Variants in GRID2 observed in about 807,000 individuals in gnomAD.
The protein encoded by GRID2 is glutamate receptor ionotropic, delta-2.
GRID2 carries 33 observed loss-of-function variants against 114.8 expected under a neutral mutation model. That is an observed-to-expected ratio of 0.29 (90% confidence interval 0.22 to 0.38). The LOEUF (loss-of-function observed/expected upper bound fraction) is 0.38. Among genes scored for constraint, GRID2 ranks in the 10% least tolerant of loss-of-function variants. GRID2 has a pLI of 1.00. For missense variants in GRID2, 1,184 were observed against 1,257.7 expected (o/e 0.94, Z 0.89); for synonymous variants, 505 against 449.9 (o/e 1.12, Z -1.55).
intron 7 of GRID2, among the ~76,000 whole-genome samples, chr4:93,233,267 T>A (rs1372976076): frequency 3.3e-5 from 5 of 151,936 alleles, no homozygotes; most frequent in African/African-American, 1.2e-4. Flanking sequence ...TGATAAACGA[T>A]GTTGAAATTT....
chr4:92,537,936 T>G (rs1443424419), intron 1 of GRID2, among the ~76,000 whole-genome samples: 2 of 152,062 alleles, frequency 1.3e-5, no homozygotes, highest in Non-Finnish European at 2.9e-5. Context: ...AAACCCTCTC[T>G]CCATCTCTAT....
chr4:92,662,398 G>A (rs1732563281), intron 2 of GRID2, among the ~76,000 whole-genome samples: 1 of 150,918 alleles, frequency 6.6e-6, no homozygotes, highest in African/African-American at 2.4e-5. Flanking sequence ...ATGTTATCTT[G>A]TAACTTGAGG....
intron 14 of GRID2, among the ~76,000 whole-genome samples, chr4:93,714,746 T>C (rs917822550): frequency 6.6e-6 from 1 of 152,186 alleles, no homozygotes; most frequent in African/African-American, 2.4e-5. Context: ...AAAGTGTCTG[T>C]CATGTCCTTT....
At chr4:92,353,567 T>A (rs138850987) in intron 1 of GRID2, among the ~76,000 whole-genome samples, 85 of 152,170 alleles carry the variant, frequency 5.6e-4, no homozygotes, top group African/African-American at 1.9e-3. Context: ...ATATTTCTCG[T>A]CTTGTGTGCC....
chr4:93,122,190 A>G (rs974219670), intron 4 of GRID2, among the ~76,000 whole-genome samples: 4 of 152,194 alleles, frequency 2.6e-5, no homozygotes, highest in African/African-American at 9.6e-5. Flanking sequence ...GAAGATCTAC[A>G]TACAAGGTTT....
intron 1 of GRID2, among the ~76,000 whole-genome samples, chr4:92,557,749 C>T (rs1287832867): frequency 2.0e-5 from 3 of 151,460 alleles, no homozygotes; most frequent in Non-Finnish European, 4.4e-5. Flanking sequence ...CCTTGGACAT[C>T]CTCTAGTCCT....
intron 1 of GRID2, among the ~76,000 whole-genome samples, chr4:92,463,688 G>A (rs1403403849): frequency 2.0e-5 from 3 of 151,906 alleles, no homozygotes; most frequent in Non-Finnish European, 4.4e-5. Flanking sequence ...TCTTCTTACG[G>A]TGTTTTCTCA....
chr4:93,518,312 G>A (rs965449529), intron 13 of GRID2, among the ~76,000 whole-genome samples: 2 of 151,800 alleles, frequency 1.3e-5, no homozygotes, highest in African/African-American at 4.8e-5. Context: ...CTGTGTAAAT[G>A]AGCATTAAGT....
chr4:92,482,607 CT>C (rs1182057842), intron 1 of GRID2, among the ~76,000 whole-genome samples: 2 of 152,064 alleles, frequency 1.3e-5, no homozygotes, highest in Admixed American at 1.3e-4. Context: ...TTAAAATCTA[CT>C]TTTTTTAAGA....
At chr4:93,125,198 T>C (rs1337612146) in intron 4 of GRID2, among the ~76,000 whole-genome samples, 6 of 152,012 alleles carry the variant, frequency 3.9e-5, no homozygotes, top group Non-Finnish European at 5.9e-5. Context: ...ATTTCACTTT[T>C]TTCATATGTC....
At chr4:92,751,307 G>T (rs1737444616) in intron 2 of GRID2, among the ~76,000 whole-genome samples, 1 of 152,060 alleles carries the variant, frequency 6.6e-6, no homozygotes. Context: ...ATGCAGCTAA[G>T]AGAAAACTAG....
intron 4 of GRID2, among the ~76,000 whole-genome samples, chr4:93,162,668 A>G (rs898935151): frequency 6.6e-6 from 1 of 152,010 alleles, no homozygotes; most frequent in African/African-American, 2.4e-5. Flanking sequence ...TGTCTGTTAC[A>G]TACATTTTAC....
chr4:93,756,029 G>C (rs769253258), intron 14 of GRID2, among the ~76,000 whole-genome samples: 1 of 151,990 alleles, frequency 6.6e-6, no homozygotes, highest in African/African-American at 2.4e-5. Context: ...TTGACTGTGT[G>C]GTAAAAAGTG....
intron 2 of GRID2, among the ~76,000 whole-genome samples, chr4:92,743,336 A>C (rs570068357): frequency 3.3e-4 from 50 of 152,302 alleles, no homozygotes; most frequent in Non-Finnish European, 6.3e-4. Flanking sequence ...CTGTTGTTAT[A>C]GGCCATTATA....
chr4:93,392,869 T>G (rs1012757297), intron 8 of GRID2, among the ~76,000 whole-genome samples: 9 of 152,040 alleles, frequency 5.9e-5, no homozygotes, highest in Non-Finnish European at 1.3e-4. Flanking sequence ...TTTTACCTCT[T>G]AGTATATATG....
At chr4:93,537,149 A>G (rs1183939049) in intron 13 of GRID2, among the ~76,000 whole-genome samples, 2 of 151,760 alleles carry the variant, frequency 1.3e-5, no homozygotes, top group African/African-American at 4.8e-5. Flanking sequence ...CTGAAAGCTA[A>G]AGTGTTTATA....
At chr4:93,024,098 C>T (rs186631995) in intron 2 of GRID2, among the ~76,000 whole-genome samples, 20 of 151,872 alleles carry the variant, frequency 1.3e-4, no homozygotes, top group East Asian at 7.7e-4. Flanking sequence ...AAGCCAGATA[C>T]GGAATTATAT....
chr4:93,208,095 T>A (rs1319246977), intron 5 of GRID2, among the ~76,000 whole-genome samples: 4 of 151,954 alleles, frequency 2.6e-5, no homozygotes, highest in African/African-American at 4.8e-5. Context: ...CATGGACAAA[T>A]AATGTGATCA....
rs1366249185 is a variant in GRID2, at chr4:92,358,665, T to G, written c.88+53921T>G. On this transcript the variant is annotated intron_variant, in intron 1 of 15. Transcript: ENST00000282020. ...TAACTTTGTGCCAATTGCTAGATTT[T>G]TATGCAGATTTCATTAGTCTACTAC... is the stretch of plus-strand genomic sequence containing the variant. 4.6e-5 allele frequency among the ~76,000 whole-genome samples: 7 copies of G among 151,938 alleles called. 1 individual carries two copies. Among genetic ancestry groups the G allele is most frequent in the Non-Finnish European group, 1.0e-4 (7 of 67,920 alleles).
Sources: gnomAD v4.1 joint callset for allele counts (sites outside exome capture counted in the v4.1 genomes callset) on GRCh38, gnomAD v4.1.1 for gene constraint, MANE v1.5 for transcripts, NCBI Gene and HGNC (gene_info 2026-07-23, HGNC 2026-07-21) for gene names.